The following BBX variants were observed in gnomAD, a reference collection of about 807,000 sequenced individuals.
BBX encodes BBX high mobility group box domain containing.
BBX carries 30 observed loss-of-function variants against 100.2 expected under a neutral mutation model. The ratio of observed to expected loss-of-function variants is 0.30; its 90% CI spans 0.22 to 0.41. The LOEUF is 0.41. Among genes scored for constraint, BBX ranks in the 10% least tolerant of loss-of-function variants. BBX has a pLI of 1.00. For missense variants in BBX, 1,023 were observed against 1,129.8 expected (o/e 0.91, Z 1.35); for synonymous variants, 376 against 388.1 (o/e 0.97, Z 0.37).
intron 2 of BBX, among the ~76,000 whole-genome samples, chr3:107,573,326 G>A (rs1483091181): frequency 6.6e-6 from 1 of 152,162 alleles, no homozygotes; most frequent in Admixed American, 6.5e-5. Flanking sequence ...TTGGGAGGCC[G>A]ATGCGGGTGG....
intron 4 of BBX, among the ~76,000 whole-genome samples, chr3:107,710,879 T>G (rs1441910515): frequency 2.6e-5 from 4 of 152,234 alleles, no homozygotes; most frequent in African/African-American, 7.2e-5. Flanking sequence ...GTGGGTAATG[T>G]TCAAATACAT....
At chr3:107,751,586 T>C (rs930634818) in intron 9 of BBX, among the ~76,000 whole-genome samples, 1 of 152,196 alleles carries the variant, frequency 6.6e-6, no homozygotes, top group African/African-American at 2.4e-5. Context: ...GAAAGATATT[T>C]TTCCTTCTTA....
At chr3:107,636,802 G>C (rs1403624211) in intron 2 of BBX, among the ~76,000 whole-genome samples, 3 of 152,324 alleles carry the variant, frequency 2.0e-5, no homozygotes, top group Admixed American at 6.5e-5. Flanking sequence ...TGCTGTGGGA[G>C]CAGTAGAACT....
In BBX at chr3:107,531,574, GT is replaced by G. The variant is rs992851611; in HGVS notation, c.-84+5188del. Among the ~76,000 whole-genome samples, 376 of 145,232 alleles carry G rather than the reference GT, an allele frequency of 2.6e-3. 3 individuals carry two copies. Among genetic ancestry groups the G allele is most frequent in the African/African-American group, 7.5e-3 (299 of 39,822 alleles). ...GTTTGAAATTTCTGAAAGCCTTTTA[GT>G]TTTTTTTTTTTCTCTAAAGTGATTC... On this transcript the variant is annotated intron_variant, in intron 2 of 17. Transcript: ENST00000325805.
At chr3:107,687,013 C>CT (rs1270461856) in intron 3 of BBX, among the ~76,000 whole-genome samples, 2 of 151,948 alleles carry the variant, frequency 1.3e-5, no homozygotes, top group Admixed American at 1.3e-4. Flanking sequence ...TAGAAATTGA[C>CT]TTTTTTTAAG....
At chr3:107,748,611 G>A (rs1045846882) in intron 9 of BBX, among the ~76,000 whole-genome samples, 8 of 152,124 alleles carry the variant, frequency 5.3e-5, no homozygotes, top group African/African-American at 1.9e-4. Context: ...AATTTTTTTG[G>A]TTGGTGTGCT....
intron 2 of BBX, among the ~76,000 whole-genome samples, chr3:107,644,334 C>A (rs1267034766): frequency 1.3e-5 from 2 of 152,098 alleles, no homozygotes; most frequent in African/African-American, 4.8e-5. Context: ...GGTAGACTTT[C>A]TTATCCCAAT....
intron 7 of BBX, among the ~76,000 whole-genome samples, chr3:107,741,520 C>CT (rs2064108891): frequency 6.6e-6 from 1 of 152,070 alleles, no homozygotes; most frequent in Non-Finnish European, 1.5e-5. Context: ...ATTTCAGAGA[C>CT]TATTTCTAGA....
At chr3:107,728,718 C>G (rs1462648144) in intron 5 of BBX, 47 bp from the exon 6 acceptor site, 3 of 1,528,130 alleles carry the variant, frequency 2.0e-6, no homozygotes, top group Non-Finnish European at 2.7e-6. Flanking sequence ...AGAACTTTTT[C>G]AATCTATTTG....
At chr3:107,584,209 T>C (rs1335564949) in intron 2 of BBX, among the ~76,000 whole-genome samples, 4 of 81,396 alleles carry the variant, frequency 4.9e-5, no homozygotes, top group African/African-American at 1.7e-4. Context: ...TATATTATTA[T>C]ATATATTATA....
At chr3:107,676,297 A>C (rs1001458852) in intron 3 of BBX, among the ~76,000 whole-genome samples, 2 of 152,100 alleles carry the variant, frequency 1.3e-5, no homozygotes, top group Non-Finnish European at 2.9e-5. Context: ...TCAGTCTTCC[A>C]TTTTGCCTTA....
chr3:107,619,031 C>A (rs114778981), intron 2 of BBX, among the ~76,000 whole-genome samples: 1 of 151,914 alleles, frequency 6.6e-6, no homozygotes, highest in Non-Finnish European at 1.5e-5. Context: ...TTTCTCCTTT[C>A]GGTTCTATAA....
chr3:107,627,348 G>A (rs896622392), intron 2 of BBX, among the ~76,000 whole-genome samples: 1 of 152,202 alleles, frequency 6.6e-6, no homozygotes, highest in African/African-American at 2.4e-5. Context: ...GTATCTCTAT[G>A]AAGAAGAGAT....
At chr3:107,794,508 C>CT (rs1282107377) in intron 15 of BBX, among the ~76,000 whole-genome samples, 1 of 152,002 alleles carries the variant, frequency 6.6e-6, no homozygotes, top group African/African-American at 2.4e-5. Context: ...GTGTATAAAT[C>CT]TAATTACAGG....
intron 3 of BBX, among the ~76,000 whole-genome samples, chr3:107,664,836 C>G (rs746905702): frequency 5.9e-5 from 9 of 152,206 alleles, no homozygotes; most frequent in Admixed American, 1.3e-4. Context: ...TATTTGCAAG[C>G]TGCAGCGCTT....
At chr3:107,545,583 C>T (rs2049174008) in intron 2 of BBX, among the ~76,000 whole-genome samples, 1 of 152,180 alleles carries the variant, frequency 6.6e-6, no homozygotes, top group Admixed American at 6.5e-5. Flanking sequence ...GAAGACTGTA[C>T]AGGGTTAATT....
chr3:107,673,863 GGAAGTCT>G (rs2059148076), intron 3 of BBX, among the ~76,000 whole-genome samples: 1 of 152,174 alleles, frequency 6.6e-6, no homozygotes, highest in African/African-American at 2.4e-5. Context: ...TTCCACATTT[GGAAGTCT>G]TGTTTCATGT....
chr3:107,600,772 C>T (rs1005520953), intron 2 of BBX, among the ~76,000 whole-genome samples: 2 of 152,098 alleles, frequency 1.3e-5, no homozygotes, highest in Admixed American at 6.5e-5. Context: ...CTAGAGAAGA[C>T]GGAATCTGGG....
chr3:107,539,747 T>C (rs551367948), intron 2 of BBX, among the ~76,000 whole-genome samples: 17 of 152,330 alleles, frequency 1.1e-4, no homozygotes, highest in African/African-American at 4.1e-4. Flanking sequence ...AAATTGAATA[T>C]AAATAAAAAT....
Sources: gnomAD v4.1 joint callset for allele counts (sites outside exome capture counted in the v4.1 genomes callset) on GRCh38, gnomAD v4.1.1 for gene constraint, MANE v1.5 for transcripts, NCBI Gene and HGNC (gene_info 2026-07-23, HGNC 2026-07-21) for gene names.